DUS3L: variants seen among roughly 807,000 people sequenced by gnomAD.
DUS3L encodes dihydrouridine synthase 3 like.
Under a neutral mutation model 74.6 loss-of-function variants are expected in DUS3L, and 62 were observed. The observed-to-expected ratio is 0.83, with a 90% CI of 0.68 to 1.03. The LOEUF is 1.03. Among genes scored for constraint, DUS3L ranks in the 50% least tolerant of loss-of-function variants. The pLI, the probability that DUS3L is intolerant of heterozygous loss-of-function variation, is 0.00. For synonymous variants in DUS3L, 433 were observed against 395.7 expected (o/e 1.09, Z -1.12); for missense variants, 884 against 924.4 (o/e 0.96, Z 0.57).
rs368244669 is a variant in DUS3L, at chr19:5,787,402, C to T, written c.1213-41G>A. ...GGGTGGAGGGAGGGCAGGACGTGGG[C>T]TGACCCAAGACCCCTCACCCCTGCT... On this transcript the variant is annotated intron_variant, in intron 6 of 12. Transcript: ENST00000309061. 482 of 1,603,504 alleles carry T rather than the reference C, an allele frequency of 3.0e-4. 1 individual carries two copies. The highest frequency in any genetic ancestry group is 4.0e-4 in the Non-Finnish European group (472 of 1,173,840).
rs1164989101 is a variant in DUS3L at position 5,788,207 on chromosome 19, T to C, written c.943-31A>G. ...GGGGGAGCAGGACAGACACACATGC[T>C]CTTGCACGCGCACACACACACACAC... On this transcript the variant is annotated intron_variant, in intron 4 of 12. Coordinates refer to ENST00000309061, the MANE Select transcript of DUS3L (RefSeq NM_020175.3). The C allele has an allele frequency of 3.7e-6, 6 of 1,612,066 alleles. No homozygotes were observed. In the African/African-American group the frequency reaches 5.4e-5, roughly 14 times the overall value.
chr19:5,785,270 A>G lies in DUS3L; in HGVS notation c.1886T>C (p.Met629Thr). 1 of 1,611,288 alleles carries G rather than the reference A, an allele frequency of 6.2e-7. No homozygotes were observed. The highest frequency in any genetic ancestry group is 8.5e-7 in the Non-Finnish European group (1 of 1,179,414). ...GCTGGGGGGCACTGGCCCAAGGAGC[A>G]TCTCGCTGTGGGAGAGCAGGTGGAA... ...KAADWIRISE[M>T]LLGPVPPSFA... The change falls in exon 13 of 13, where the codon ATG becomes ACG. Residue 629 changes from methionine to threonine, a missense_variant. Coordinates refer to ENST00000309061, the MANE Select transcript of DUS3L (RefSeq NM_020175.3).
Position 5,789,267 on chromosome 19 carries a change from C to T in DUS3L, c.840G>A (p.Arg280=). ...GTSTPPSSPV[R]TCGPLTDEDV... The stretch of plus-strand genomic sequence containing the variant: ...CCTCATCCGTCAGGGGCCCGCAGGT[C>T]CGCACGGGGCTGCTGGGAGGGGTGC... The change falls in exon 3 of 13, where the codon CGG becomes CGA. Residue 280 remains arginine, a synonymous_variant. Transcript: ENST00000309061. 1.3e-6 allele frequency: 2 copies of T among 1,579,296 alleles called. No individual in the cohort carries two copies. Among genetic ancestry groups the T allele is most frequent in the Non-Finnish European group, 1.7e-6 (2 of 1,165,288 alleles).
rs199852271 is a variant in DUS3L at position 5,788,420 on chromosome 19, C to G, written c.901-22G>C. 2.3e-4 allele frequency: 374 copies of G among 1,609,034 alleles called. 2 individuals are homozygous for G. The African/African-American group carries it at 4.0e-3, about 17-fold the overall frequency. ...CCAGCTGGAGGGAAAAAAATACACA[C>G]AAGTGGAGCTTGGCCTCCACCCCAG... is the stretch of plus-strand genomic sequence containing the variant. On this transcript the variant is annotated intron_variant, in intron 3 of 12. Coordinates refer to ENST00000309061, the MANE Select transcript of DUS3L (RefSeq NM_020175.3).
chr19:5,788,181 G>A lies in DUS3L; in HGVS notation c.943-5C>T, dbSNP rs373343208. On this transcript the variant is annotated splice_region_variant and splice_polypyrimidine_tract_variant and intron_variant, in intron 4 of 12. Coordinates refer to ENST00000309061, the MANE Select transcript of DUS3L (RefSeq NM_020175.3). ...TCGGAAGGGCAGGTTCCCACACTGC[G>A]GGGGGAGCAGGACAGACACACATGC... 162 of 1,613,080 alleles carry A rather than the reference G, an allele frequency of 1.0e-4. No homozygotes were observed. The African/African-American group carries it at 1.7e-3, about 17-fold the overall frequency.
intron 7 of DUS3L, 46 bp from the exon 8 acceptor site, chr19:5,787,217 G>GGGAGACGGTGGCAGGTGGTA: frequency 3.1e-6 from 3 of 954,796 alleles, no homozygotes; most frequent in Non-Finnish European, 2.9e-6. Context: ...GGGAGGTGGT[G>GGGAGACGGTGGCAGGTGGTA]GGAGACGGTG....
Position 5,790,246 on chromosome 19 carries a change from G to A in DUS3L, c.188C>T (p.Ala63Val). 6.2e-7 allele frequency: 1 copy of A among 1,614,146 alleles called. No individual in the cohort carries two copies. The highest frequency in any genetic ancestry group is 8.5e-7 in the Non-Finnish European group (1 of 1,180,032). Residue 63 changes from alanine (A) to valine (V), a missense_variant, in exon 2 of 13, where the codon GCT becomes GTT. Ala to Val is a moderately conservative substitution (Grantham distance 64). Coordinates refer to ENST00000309061, the MANE Select transcript of DUS3L (RefSeq NM_020175.3). Reference sequence around the variant, plus strand: ...CTCAGGCTCAGCCAGCTCATTGCCAGCAGGGTCTCCTACCTCGGTTTCCCG... The same window carrying A: ...CTCAGGCTCAGCCAGCTCATTGCCAACAGGGTCTCCTACCTCGGTTTCCCG... Reference protein sequence around the residue: ...TCRETEVGDPAGNELAEPEAK... With the variant: ...TCRETEVGDPVGNELAEPEAK...
intron 4 of DUS3L, 60 bp from the exon 5 acceptor site, chr19:5,788,236 G>A: frequency 2.6e-6 from 4 of 1,547,042 alleles, no homozygotes; most frequent in South Asian, 2.3e-5. Context: ...CACACACACA[G>A]CAGAACCCTG....
At chr19:5,787,739 G>A (rs1473167246) in intron 5 of DUS3L, 34 bp from the exon 6 acceptor site, 2 of 1,604,102 alleles carry the variant, frequency 1.2e-6, no homozygotes, top group Non-Finnish European at 8.5e-7. Flanking sequence ...AGGAGGGTGA[G>A]GGGAGAGTCC....
Position 5,790,187 on chromosome 19 carries a change from C to T in DUS3L, c.247G>A (p.Ala83Thr). The part of the protein sequence containing the change: ...KRIRLEDGQT[A>T]DGQTEEAAEP... ...GCTGCCTCCTCCGTCTGCCCGTCCG[C>T]CGTCTGTCCATCCTCCAGTCGGATC... is the stretch of plus-strand genomic sequence containing the variant. The change falls in exon 2 of 13, where the codon GCG (alanine) becomes ACG (threonine). Residue 83 changes from alanine to threonine, a missense_variant. Transcript: ENST00000309061. 1 of 1,614,166 alleles carries T rather than the reference C, an allele frequency of 6.2e-7. No individual in the cohort carries two copies. The highest frequency in any genetic ancestry group is 8.5e-7 in the Non-Finnish European group (1 of 1,180,032).
rs567910075 is a variant in DUS3L at position 5,785,582 on chromosome 19, C to T, written c.1751+21G>A. ...AGCCGCGGCCCACGCGCCGCCCACC[C>T]CAGCCAGCCCCGGTGCCCACCGGCA... On this transcript the variant is annotated intron_variant, in intron 11 of 12. Coordinates refer to ENST00000309061, the MANE Select transcript of DUS3L (RefSeq NM_020175.3). The T allele has an allele frequency of 2.8e-5, 45 of 1,589,462 alleles. No individual in the cohort carries two copies. In the African/African-American group the frequency reaches 5.2e-4, roughly 19 times the overall value.
At chr19:5,790,584 G>A (rs552783270) in intron 1 of DUS3L, among the ~76,000 whole-genome samples, 1 of 152,236 alleles carries the variant, frequency 6.6e-6, no homozygotes, top group African/African-American at 2.4e-5. Flanking sequence ...CCCTGCGCAC[G>A]TTAGGCTGCG....
Position 5,790,287 on chromosome 19 carries a change from C to T in DUS3L, c.147G>A (p.Gly49=). Residue 49 remains glycine, a synonymous_variant, in exon 2 of 13, where the codon GGG becomes GGA. Transcript: ENST00000309061. ...CGGTTTCCCGGCAAGTCTTCTCCTG[C>T]CCTTTGGCTTCCAGGAATTGGTGAA... ...EQFHQFLEAK[G]QEKTCRETEV... is the part of the protein sequence containing the mutation. 6.2e-7 allele frequency: 1 copy of T among 1,614,148 alleles called. No homozygotes were observed. The highest frequency in any genetic ancestry group is 8.5e-7 in the Non-Finnish European group (1 of 1,180,030).
Position 5,790,181 on chromosome 19 carries a change from C to G in DUS3L, c.253G>C (p.Gly85Arg). The G allele has an allele frequency of 6.2e-7, 1 of 1,614,162 alleles. No homozygotes were observed. The highest frequency in any genetic ancestry group is 8.5e-7 in the Non-Finnish European group (1 of 1,180,034). ...GGCTCTGCTGCCTCCTCCGTCTGCCCGTCCGCCGTCTGTCCATCCTCCAGT... is the reference window on the plus strand; with the variant it reads ...GGCTCTGCTGCCTCCTCCGTCTGCCGGTCCGCCGTCTGTCCATCCTCCAGT... The part of the protein sequence containing the change: ...IRLEDGQTAD[G>R]QTEEAAEPGE... Residue 85 changes from glycine (G) to arginine (R), a missense_variant, in exon 2 of 13, where the codon GGG (glycine) becomes CGG (arginine). Coordinates refer to ENST00000309061, the MANE Select transcript of DUS3L (RefSeq NM_020175.3).
chr19:5,789,094 G>T, intron 3 of DUS3L, 113 bp downstream of exon 3: 1 of 1,427,896 alleles, frequency 7.0e-7, no homozygotes, highest in Non-Finnish European at 9.3e-7. Flanking sequence ...CTCCCTCAAG[G>T]CACACAGCCT....
At chr19:5,786,406 T>C (rs995948145) in intron 10 of DUS3L, 61 bp downstream of exon 10, 2 of 1,540,412 alleles carry the variant, frequency 1.3e-6, no homozygotes, top group African/African-American at 1.4e-5. Flanking sequence ...TGACGGCGTG[T>C]TGGGTTCAGG....
intron 3 of DUS3L, among the ~76,000 whole-genome samples, chr19:5,788,762 G>A (rs10415058): frequency 0.11 from 16,818 of 149,446 alleles, 1,000 homozygotes; most frequent in Middle Eastern, 0.19. Context: ...GCTGGAGTGC[G>A]GTGGCACAAT....
chr19:5,790,958 G>A, intron 1 of DUS3L, 86 bp downstream of exon 1: 1 of 1,337,332 alleles, frequency 7.5e-7, no homozygotes, highest in Non-Finnish European at 1.0e-6. Flanking sequence ...CTCAGCCGCT[G>A]CCTAATCTCC....
At chr19:5,787,389 G>A (rs752794026) in intron 6 of DUS3L, 28 bp from the exon 7 acceptor site, 3 of 1,609,680 alleles carry the variant, frequency 1.9e-6, no homozygotes, top group East Asian at 4.5e-5. Flanking sequence ...GTGGAGGGAG[G>A]GCAGGACGTG....
Sources: allele counts gnomAD v4.1 joint callset (sites outside exome capture counted in the v4.1 genomes callset), GRCh38; gene constraint gnomAD v4.1.1; transcripts MANE v1.5; gene names NCBI Gene and HGNC (gene_info 2026-07-23, HGNC 2026-07-21).